Variants in VPS37A observed in about 807,000 individuals in gnomAD.
VPS37A encodes vacuolar protein sorting-associated protein 37A.
Under a neutral mutation model 49.8 loss-of-function variants are expected in VPS37A, and 30 were observed. The observed-to-expected ratio is 0.60, with a 90% CI of 0.45 to 0.82. The LOEUF is 0.82. Ranked by LOEUF, VPS37A falls within the 40% of genes least tolerant of loss-of-function variation. The probability of loss-of-function intolerance (pLI) is 0.00; values close to 1 mark genes in which losing one functional copy is unlikely to be tolerated. For synonymous variants in VPS37A, 195 were observed against 160.6 expected (o/e 1.21, Z -1.62); for missense variants, 593 against 464.4 (o/e 1.28, Z -2.55).
chr8:17,301,550 T>C (rs1471245337), downstream of VPS37A: 2 of 152,158 alleles, frequency 1.3e-5, no homozygotes, highest in Admixed American at 1.3e-4. Context: ...AATTTTGACT[T>C]TGTAATAAGG....
the VPS37A span, chr8:17,313,498 T>C: frequency 1.3e-6 from 1 of 752,338 alleles, no homozygotes; most frequent in African/African-American, 1.8e-5. Flanking sequence ...ATTCCTTTGT[T>C]GTATTAGGTA....
chr8:17,325,416 G>A, the VPS37A span, among the ~76,000 whole-genome samples: 5 of 152,348 alleles, frequency 3.3e-5, no homozygotes, highest in South Asian at 4.1e-4. Context: ...AGGGCCACCT[G>A]ACTTTGCCAC....
chr8:17,301,335 G>T (rs1817097000), downstream of VPS37A, among the ~76,000 whole-genome samples: 1 of 152,282 alleles, frequency 6.6e-6, no homozygotes, highest in African/African-American at 2.4e-5. Context: ...GTTTCAGGGA[G>T]GAAGGAACAT....
At chr8:17,271,675 A>C (rs538560745) in intron 4 of VPS37A, among the ~76,000 whole-genome samples, 1 of 131,042 alleles carries the variant, frequency 7.6e-6, no homozygotes, top group Non-Finnish European at 1.6e-5. Flanking sequence ...AGCAACACCC[A>C]CTAAGCTCCT....
the VPS37A span, among the ~76,000 whole-genome samples, chr8:17,308,228 T>C: frequency 3.9e-5 from 6 of 152,090 alleles, no homozygotes; most frequent in South Asian, 8.3e-4. Context: ...CAAACAATTA[T>C]CTAGCTGATC....
At chr8:17,317,600 T>C in the VPS37A span, among the ~76,000 whole-genome samples, 1 of 152,090 alleles carries the variant, frequency 6.6e-6, no homozygotes. Context: ...TCTTCTCTTG[T>C]GGAAGTGTGG....
At chr8:17,281,635 G>A (rs550342505) in intron 9 of VPS37A, among the ~76,000 whole-genome samples, 1 of 151,928 alleles carries the variant, frequency 6.6e-6, no homozygotes, top group African/African-American at 2.4e-5. Context: ...GGGAGGTTTT[G>A]AGTACTGCAA....
chr8:17,262,168 T>C (rs547088792), intron 1 of VPS37A, among the ~76,000 whole-genome samples: 1 of 152,008 alleles, frequency 6.6e-6, no homozygotes, highest in Admixed American at 6.6e-5. Flanking sequence ...CTGCTCAGAG[T>C]TTTTTCACTT....
chr8:17,301,217 G>A (rs1586127258), downstream of VPS37A, among the ~76,000 whole-genome samples: 3 of 152,358 alleles, frequency 2.0e-5, no homozygotes, highest in East Asian at 5.8e-4. Context: ...GGAACATGGA[G>A]TAGTGGAGCA....
downstream of VPS37A, chr8:17,298,351 A>AT (rs780690489): frequency 1.3e-5 from 2 of 152,038 alleles, no homozygotes; most frequent in East Asian, 1.9e-4. Flanking sequence ...CACTTGCTTT[A>AT]TTTTTTACAT....
chr8:17,316,209 T>C, the VPS37A span, among the ~76,000 whole-genome samples: 1 of 152,088 alleles, frequency 6.6e-6, no homozygotes, highest in Non-Finnish European at 1.5e-5. Context: ...AGCCTCTGTA[T>C]CAAACTGTTA....
Position 17,295,903 on chromosome 8 carries a change from T to C in VPS37A, c.*917T>C, listed in dbSNP as rs554049262. On this transcript the variant is annotated 3_prime_UTR_variant, in exon 12 of 12. Transcript: ENST00000324849. ...ATTTTTAGGCAATCCTGATTTTTAA[T>C]GAATTTAATTGAGTGTTCTTGTATA... 4 of 152,334 alleles carry C rather than the reference T, an allele frequency of 2.6e-5. No homozygotes were observed. Among genetic ancestry groups the C allele is most frequent in the Admixed American group, 2.6e-4 (4 of 15,300 alleles). 9.4% of individuals were successfully genotyped at this position (152,334 alleles called of 1,614,324 possible).
chr8:17,320,341 C>A, the VPS37A span, among the ~76,000 whole-genome samples: 3 of 152,078 alleles, frequency 2.0e-5, no homozygotes, highest in Non-Finnish European at 4.4e-5. Flanking sequence ...TATGAAACTA[C>A]ATATTCCCTC....
chr8:17,299,605 G>A (rs1384701408), downstream of VPS37A: 2 of 467,816 alleles, frequency 4.3e-6, no homozygotes, highest in Non-Finnish European at 7.7e-6. Flanking sequence ...TTGCTCTGCA[G>A]TGAATATAAT....
chr8:17,306,487 T>C (rs973784091), downstream of VPS37A, among the ~76,000 whole-genome samples: 1 of 152,196 alleles, frequency 6.6e-6, no homozygotes, highest in African/African-American at 2.4e-5. Context: ...TGACGACAGA[T>C]TCCACATGTA....
chr8:17,247,181 G>C lies in VPS37A; in HGVS notation c.-64G>C, dbSNP rs1459064027. 1 of 1,548,832 alleles carries C rather than the reference G, an allele frequency of 6.5e-7. No individual in the cohort carries two copies. Among genetic ancestry groups the C allele is most frequent in the Non-Finnish European group, 8.7e-7 (1 of 1,147,186 alleles). On this transcript the variant is annotated 5_prime_UTR_variant, in exon 1 of 12. Transcript: ENST00000324849. ...TCCTCTGTCGCTGGAGAACCGCCGGGCCGAGCCACTGGGAGAAGCAGGCCA... is the reference window on the plus strand; with the variant it reads ...TCCTCTGTCGCTGGAGAACCGCCGGCCCGAGCCACTGGGAGAAGCAGGCCA...
chr8:17,300,744 C>T (rs1193689288), downstream of VPS37A, among the ~76,000 whole-genome samples: 1 of 152,206 alleles, frequency 6.6e-6, no homozygotes, highest in East Asian at 1.9e-4. Flanking sequence ...CGAAAGAAAA[C>T]CCCATACTCA....
downstream of VPS37A, chr8:17,301,999 C>A: frequency 1.0e-6 from 1 of 954,906 alleles, no homozygotes; most frequent in Admixed American, 2.6e-5. Context: ...CTTCGGTTAT[C>A]TGAGTCCTGA....
intron 11 of VPS37A, among the ~76,000 whole-genome samples, chr8:17,293,002 C>G (rs903376896): frequency 6.6e-6 from 1 of 152,078 alleles, no homozygotes; most frequent in Non-Finnish European, 1.5e-5. Flanking sequence ...GTTGGGCTGT[C>G]TTGCTAGGTT....
Sources: gnomAD v4.1 joint callset for allele counts (sites outside exome capture counted in the v4.1 genomes callset) on GRCh38, gnomAD v4.1.1 for gene constraint, MANE v1.5 for transcripts, NCBI Gene and HGNC (gene_info 2026-07-23, HGNC 2026-07-21) for gene names.